The following MUC5AC variants were observed in gnomAD, a reference collection of about 807,000 sequenced individuals.
MUC5AC encodes mucin-5AC.
Under a neutral mutation model 169.7 loss-of-function variants are expected in MUC5AC, and 158 were observed. The ratio of observed to expected loss-of-function variants is 0.93; its 90% confidence interval spans 0.82 to 1.06. The LOEUF (loss-of-function observed/expected upper bound fraction) is 1.06. Ranked by LOEUF, MUC5AC falls within the 50% of genes least tolerant of loss-of-function variation. The pLI is 0.00. For missense variants in MUC5AC, 4,359 were observed against 3,089.9 expected, an observed-to-expected ratio of 1.41 and a Z score of -9.74; for synonymous variants, 1,975 against 1,237.0, an observed-to-expected ratio of 1.60 and a Z score of -12.52.
At chr11:1,175,189 C>G (rs879159043) in intron 18 of MUC5AC, 29 bp from the exon 19 acceptor site, 67,810 of 398,722 alleles carry the variant, frequency 0.17, 6,495 homozygotes, top group Non-Finnish European at 0.2. Context: ...CTGGCCCAGG[C>G]TGAGGCTCTG....
intron 17 of MUC5AC, 85 bp from the exon 18 acceptor site, chr11:1,174,797 G>A: frequency 2.2e-6 from 1 of 457,238 alleles, no homozygotes. Flanking sequence ...GGGGAGGGTA[G>A]CCGAGAGGGC....
At position 1,168,883 on chromosome 11, in the gene MUC5AC, G is replaced by A; in HGVS notation, c.1727G>A (p.Ser576Asn). 1.9e-6 allele frequency: 3 copies of A among 1,602,490 alleles called. No individual in the cohort carries two copies. The highest frequency in any genetic ancestry group is 2.6e-6 in the Non-Finnish European group (3 of 1,173,898). ...CCAGGTCTCTGTGGGAACTTCAACA[G>A]CATCCAGGCCGATGACTTCCGGACC... ...QTCGLCGNFN[S>N]IQADDFRTLS... Residue 576 changes from serine (S) to asparagine (N), a missense_variant, in exon 15 of 49, where the codon AGC becomes AAC. Transcript: ENST00000621226.
rs1861004038 is a variant in MUC5AC at position 1,188,335 on chromosome 11, G to A, written c.10190G>A (p.Ser3397Asn). 4 of 654,482 alleles carry A rather than the reference G, an allele frequency of 6.1e-6. No homozygotes were observed. Among genetic ancestry groups the A allele is most frequent in the Non-Finnish European group, 1.1e-5 (4 of 352,772 alleles). 40.5% of individuals were successfully genotyped at this position (654,482 alleles called of 1,614,324 possible). A position where few individuals can be genotyped will look rare whatever the true frequency, so the allele number is the denominator to read the frequency against. The change falls in exon 31 of 49, where the codon AGC (serine) becomes AAC (asparagine). Residue 3397 changes from serine to asparagine, a missense_variant. Transcript: ENST00000621226. ...TTSTTSAPTT[S>N]TTSTPQTSIS... The stretch of plus-strand genomic sequence containing the variant: ...AGCACAACTTCTGCCCCTACAACCA[G>A]CACAACCTCCACTCCACAGACCAGC...
rs1860807061 is a variant in MUC5AC at position 1,181,140 on chromosome 11, C to T, written c.3778C>T (p.Leu1260Phe). The T allele has an allele frequency of 2.5e-6, 1 of 398,462 alleles. No individual in the cohort carries two copies. Among genetic ancestry groups the T allele is most frequent in the South Asian group, 1.3e-4 (1 of 7,868 alleles). The allele number at this position is 398,462 out of a possible 1,614,324, so 24.7% of individuals were successfully genotyped here. A position where few individuals can be genotyped will look rare whatever the true frequency, so the allele number is the denominator to read the frequency against. The change falls in exon 29 of 49, where the codon CTT (leucine) becomes TTT (phenylalanine). Residue 1260 changes from leucine to phenylalanine, a missense_variant and splice_region_variant. Physicochemically the swap from Leu to Phe is conservative, Grantham distance 22. Transcript: ENST00000621226. ...VPSDKNCQSC[L>F]CTERGVECTY... ...CCTGCCCTTCTTCCTTGTCTCCAGC[C>T]TTTGTACGGAGCGCGGCGTGGAGTG...
chr11:1,189,308 C>T lies in MUC5AC; in HGVS notation c.11163C>T (p.Ser3721=). The change falls in exon 31 of 49, where the codon TCC becomes TCT. Residue 3721 remains serine, a synonymous_variant. Transcript: ENST00000621226. ...CCTCCACTCCACAGACCACCACATC[C>T]TCTGCCCCTACAAGCAGCACAACCT... ...STTSTPQTTT[S]SAPTSSTTSA... The T allele has an allele frequency of 1.7e-6, 1 of 577,664 alleles. No homozygotes were observed. Among genetic ancestry groups the T allele is most frequent in the South Asian group, 2.4e-5 (1 of 41,976 alleles). The allele number at this position is 577,664 out of a possible 1,614,324, so 35.8% of individuals were successfully genotyped here.
chr11:1,166,474 C>A, intron 11 of MUC5AC, among the ~76,000 whole-genome samples: 1 of 141,574 alleles, frequency 7.1e-6, no homozygotes, highest in Non-Finnish European at 1.5e-5. Flanking sequence ...ACCCTACACC[C>A]AACACACAGT....
At chr11:1,174,434 C>A in intron 16 of MUC5AC, 62 bp from the exon 17 acceptor site, 1 of 1,037,056 alleles carries the variant, frequency 9.6e-7, no homozygotes, top group South Asian at 1.5e-5. Context: ...GCCTGCAGGG[C>A]GTGGGGGGCC....
chr11:1,161,800 A>G (rs1860147985), intron 3 of MUC5AC, 107 bp from the exon 4 acceptor site: 1 of 1,463,354 alleles, frequency 6.8e-7, no homozygotes, highest in African/African-American at 1.4e-5. Flanking sequence ...GGGCAGCAGC[A>G]CTTCCTGCAG....
At chr11:1,167,581 C>T (rs577134974) in intron 11 of MUC5AC, among the ~76,000 whole-genome samples, 1 of 152,356 alleles carries the variant, frequency 6.6e-6, no homozygotes, top group South Asian at 2.1e-4. Context: ...CTCCTCACCC[C>T]TCTCTCGCCC....
In MUC5AC at chr11:1,200,438, G is replaced by T. The variant is rs1238291581; in HGVS notation, c.16701G>T (p.Met5567Ile). The change falls in exon 49 of 49, where the codon ATG becomes ATT. Residue 5567 changes from methionine to isoleucine, a missense_variant and splice_region_variant. Physicochemically the swap from Met to Ile is conservative, Grantham distance 10. Transcript: ENST00000621226. ...CRGNCGDSSS[M>I]YSLEGNTVEH... The stretch of plus-strand genomic sequence containing the variant: ...GGTGCTGAGCAGCCCCTGCCCACAG[G>T]TACTCGCTCGAGGGCAACACGGTGG... The T allele has an allele frequency of 1.4e-6, 1 of 696,894 alleles. No individual in the cohort carries two copies. The highest frequency in any genetic ancestry group is 2.7e-5 in the East Asian group (1 of 37,272). The allele number at this position is 696,894 out of a possible 1,614,324, so 43.2% of individuals were successfully genotyped here.
chr11:1,198,520 G>A (rs572111684), intron 43 of MUC5AC, among the ~76,000 whole-genome samples: 7 of 150,460 alleles, frequency 4.7e-5, no homozygotes, highest in African/African-American at 9.7e-5. Context: ...GCCTGGCTCC[G>A]GGGGGCTCCG....
chr11:1,158,043 C>T lies in MUC5AC; in HGVS notation c.44C>T (p.Ala15Val). ...AAGCTGGCCCTGCTCTGGGCCCTGGCTCTCGCTCTGGCCTGCACCCGGCAT... is the reference window on the plus strand; with the variant it reads ...AAGCTGGCCCTGCTCTGGGCCCTGGTTCTCGCTCTGGCCTGCACCCGGCAT... ...RRKLALLWAL[A>V]LALACTRHTG... The change falls in exon 1 of 49, where the codon GCT (alanine) becomes GTT (valine). Residue 15 changes from alanine to valine, a missense_variant. Ala to Val is a moderately conservative substitution (Grantham distance 64). Transcript: ENST00000621226. The T allele has an allele frequency of 6.2e-7, 1 of 1,608,168 alleles. No individual in the cohort carries two copies. Among genetic ancestry groups the T allele is most frequent in the Non-Finnish European group, 8.5e-7 (1 of 1,178,368 alleles).
At position 1,190,046 on chromosome 11, in the gene MUC5AC, T is replaced by C. The variant is rs1252795557; in HGVS notation, c.11901T>C (p.Phe3967=). Residue 3967 remains phenylalanine, a synonymous_variant, in exon 31 of 49, where the codon TTT becomes TTC. Coordinates refer to ENST00000621226, the MANE Select transcript of MUC5AC (RefSeq NM_001304359.2). ...CTWTKWFDVD[F]PSPGPHGGDK... Reference sequence around the variant, plus strand: ...GGACCAAGTGGTTTGACGTGGACTTTCCATCCCCTGGACCCCACGGTGGGG... The same window carrying C: ...GGACCAAGTGGTTTGACGTGGACTTCCCATCCCCTGGACCCCACGGTGGGG... The C allele has an allele frequency of 2.3e-3, 1,767 of 763,812 alleles. No individual in the cohort carries two copies. The African/African-American group carries it at 0.028, about 12-fold the overall frequency. 47.3% of individuals were successfully genotyped at this position (763,812 alleles called of 1,614,324 possible). A position where few individuals can be genotyped will look rare whatever the true frequency, so the allele number is the denominator to read the frequency against.
intron 41 of MUC5AC, 58 bp downstream of exon 41, chr11:1,197,697 TCGGCC>T (rs1283239740): frequency 3.1e-6 from 2 of 646,886 alleles, no homozygotes; most frequent in Non-Finnish European, 2.8e-6. Context: ...CGGAGCCCAC[TCGGCC>T]CGGACTTTGC....
intron 17 of MUC5AC, 125 bp downstream of exon 17, chr11:1,174,747 G>A (rs1416249391): frequency 6.1e-6 from 3 of 494,944 alleles, no homozygotes; most frequent in East Asian, 3.4e-5. Flanking sequence ...GGCAAGGAGC[G>A]CCCAGGTCAG....
At chr11:1,160,461 C>A (rs1390678048) in intron 1 of MUC5AC, 151 bp from the exon 2 acceptor site, 4 of 654,924 alleles carry the variant, frequency 6.1e-6, no homozygotes, top group Non-Finnish European at 5.5e-6. Context: ...CTAGGACCCC[C>A]CCAACCCAGC....
intron 15 of MUC5AC, 45 bp downstream of exon 15, chr11:1,169,071 G>T (rs1860419931): frequency 4.7e-6 from 7 of 1,500,592 alleles, no homozygotes; most frequent in Non-Finnish European, 6.2e-6. Context: ...GCCTGGCGCT[G>T]GTTCACCCGC....
Position 1,188,428 on chromosome 11 carries a change from C to A in MUC5AC, c.10283C>A (p.Thr3428Asn). The change falls in exon 31 of 49, where the codon ACC becomes AAC. Residue 3428 changes from threonine to asparagine, a missense_variant. Physicochemically the swap from Thr to Asn is moderately conservative, Grantham distance 65. Transcript: ENST00000621226. ...PTSSTISART[T>N]SIISAPTTST... ...AGCAGCACAATCTCTGCTCGTACAA[C>A]CAGCATAATCTCTGCCCCTACAACC... 2 of 631,180 alleles carry A rather than the reference C, an allele frequency of 3.2e-6. No individual in the cohort carries two copies. The highest frequency in any genetic ancestry group is 5.9e-6 in the Non-Finnish European group (2 of 340,374). The allele number at this position is 631,180 out of a possible 1,614,324, so 39.1% of individuals were successfully genotyped here. A position where few individuals can be genotyped will look rare whatever the true frequency, so the allele number is the denominator to read the frequency against.
At chr11:1,159,538 C>CGGGGCTGTGT (rs1347741993) in intron 1 of MUC5AC, among the ~76,000 whole-genome samples, 33 of 2,508 alleles carry the variant, frequency 0.013, 6 homozygotes, top group African/African-American at 0.04. Context: ...TGGTTCTGTG[C>CGGGGCTGTGT]GGGGCTGTGC....
Sources: allele counts gnomAD v4.1 joint callset (sites outside exome capture counted in the v4.1 genomes callset), GRCh38; gene constraint gnomAD v4.1.1; transcripts MANE v1.5; gene names NCBI Gene and HGNC (gene_info 2026-07-23, HGNC 2026-07-21).